CDH18: variants seen among roughly 807,000 people sequenced by gnomAD.
CDH18 encodes the protein cadherin 18.
A neutral mutation model predicts 67.9 loss-of-function variants in CDH18; 31 were observed. The observed-to-expected ratio is 0.46, with a 90% confidence interval of 0.34 to 0.62. CDH18 has a LOEUF of 0.62. Ranked by LOEUF, CDH18 falls within the 20% of genes least tolerant of loss-of-function variation. The probability of loss-of-function intolerance (pLI) is 0.01; values close to 1 mark genes in which losing one functional copy is unlikely to be tolerated. For missense variants in CDH18, 890 were observed against 975.5 expected, an observed-to-expected ratio of 0.91 and a Z score of 1.17; for synonymous variants, 362 against 347.2, an observed-to-expected ratio of 1.04 and a Z score of -0.48.
At chr5:19,788,657 G>T (rs1320969260) in intron 3 of CDH18, among the ~76,000 whole-genome samples, 1 of 152,110 alleles carries the variant, frequency 6.6e-6, no homozygotes, top group African/African-American at 2.4e-5. Context: ...CAAGATTGAT[G>T]TCCAGTACTC....
At chr5:19,947,769 A>T (rs1795421379) in intron 2 of CDH18, among the ~76,000 whole-genome samples, 1 of 152,008 alleles carries the variant, frequency 6.6e-6, no homozygotes, top group Non-Finnish European at 1.5e-5. Flanking sequence ...TCTCAAAAAA[A>T]AAAGAAAAAA....
upstream of CDH18, among the ~76,000 whole-genome samples, chr5:19,992,267 A>G (rs1402366383): frequency 6.6e-6 from 1 of 152,106 alleles, no homozygotes; most frequent in East Asian, 1.9e-4. Context: ...AATAATTGAC[A>G]AAGCAAATGG....
At chr5:19,867,586 G>C (rs1785700092) in intron 2 of CDH18, among the ~76,000 whole-genome samples, 1 of 112,908 alleles carries the variant, frequency 8.9e-6, no homozygotes, top group Non-Finnish European at 1.9e-5. Context: ...ATGACATATT[G>C]CTTGATTGAT....
intron 12 of CDH18, among the ~76,000 whole-genome samples, chr5:19,474,585 G>A (rs1738126021): frequency 6.6e-6 from 1 of 152,144 alleles, no homozygotes; most frequent in South Asian, 2.1e-4. Context: ...CTGAGACTCA[G>A]GAAAGAGTAT....
intron 2 of CDH18, among the ~76,000 whole-genome samples, chr5:20,168,119 C>G (rs1287395631): frequency 6.6e-6 from 1 of 152,046 alleles, no homozygotes; most frequent in East Asian, 1.9e-4. Flanking sequence ...CTGAGGTCCC[C>G]CACTTTTTTA....
chr5:19,818,200 C>T lies in CDH18; in HGVS notation c.228+20559G>A, dbSNP rs191699991. Among the ~76,000 whole-genome samples, 282 of 151,990 alleles carry T rather than the reference C, an allele frequency of 1.9e-3. 5 individuals are homozygous for T. The highest frequency in any genetic ancestry group is 1.2e-3 in the East Asian group (6 of 5,154). On this transcript the variant is annotated intron_variant, in intron 3 of 12. Transcript: ENST00000382275. ...AGTATTTTTCAATTTTACAAAGATG[C>T]AAGGAATTAAAGAGACTTAACAATT...
At chr5:20,201,468 G>T (rs1739439820) in intron 2 of CDH18, among the ~76,000 whole-genome samples, 1 of 151,852 alleles carries the variant, frequency 6.6e-6, no homozygotes, top group African/African-American at 2.4e-5. Flanking sequence ...ATGAGCATGG[G>T]GTATTACTAA....
At chr5:19,625,833 T>C (rs1751456659) in intron 5 of CDH18, among the ~76,000 whole-genome samples, 1 of 151,786 alleles carries the variant, frequency 6.6e-6, no homozygotes, top group African/African-American at 2.4e-5. Flanking sequence ...GCCCCTCCTT[T>C]TCCTGGGTGG....
intron 1 of CDH18, among the ~76,000 whole-genome samples, chr5:20,437,525 AT>A (rs1052878456): frequency 6.6e-6 from 1 of 150,906 alleles, no homozygotes; most frequent in African/African-American, 2.4e-5. Flanking sequence ...TCTTCCTGGT[AT>A]TTTTTTTATG....
At chr5:20,104,877 C>T (rs1257150918) in intron 2 of CDH18, among the ~76,000 whole-genome samples, 5 of 152,304 alleles carry the variant, frequency 3.3e-5, no homozygotes, top group Admixed American at 1.3e-4. Flanking sequence ...CACAAACATA[C>T]ACTTCCTATA....
intron 1 of CDH18, among the ~76,000 whole-genome samples, chr5:20,287,965 G>A (rs1746810634): frequency 6.6e-6 from 1 of 151,706 alleles, no homozygotes; most frequent in African/African-American, 2.4e-5. Flanking sequence ...TTTTGTATTT[G>A]ATGTATAAAG....
At position 20,555,624 on chromosome 5, in the gene CDH18, T is replaced by C. The variant is rs140908399; in HGVS notation, c.-580+19838A>G. Among the ~76,000 whole-genome samples the C allele has an allele frequency of 4.6e-5, 7 of 151,922 alleles. No homozygotes were observed. In the South Asian group the frequency reaches 8.3e-4, roughly 18 times the overall value. Reference sequence around the variant, plus strand: ...CACACACAGACAAGCTTTTCTTAAATTCCTGACACACAGAATCTTAAAGAT... The same window carrying C: ...CACACACAGACAAGCTTTTCTTAAACTCCTGACACACAGAATCTTAAAGAT... On this transcript the variant is annotated intron_variant, in intron 1 of 14. Coordinates refer to the CDH18 transcript ENST00000507958.
At chr5:20,165,692 T>G (rs2126628785) in intron 2 of CDH18, among the ~76,000 whole-genome samples, 1 of 152,266 alleles carries the variant, frequency 6.6e-6, no homozygotes, top group Admixed American at 6.5e-5. Flanking sequence ...TTTCCTAAAC[T>G]ACCTAAAATA....
chr5:20,260,766 A>G (rs1016134436), intron 1 of CDH18, among the ~76,000 whole-genome samples: 1 of 152,184 alleles, frequency 6.6e-6, no homozygotes, highest in African/African-American at 2.4e-5. Flanking sequence ...TGGCAGAAGT[A>G]AGATACTATT....
At chr5:19,881,632 C>T (rs1172601397) in intron 2 of CDH18, among the ~76,000 whole-genome samples, 2 of 151,688 alleles carry the variant, frequency 1.3e-5, no homozygotes, top group Non-Finnish European at 2.9e-5. Context: ...CCTCAGCCTT[C>T]CACGTACCTG....
chr5:19,727,829 A>T (rs1157297685), intron 4 of CDH18, among the ~76,000 whole-genome samples: 1 of 152,232 alleles, frequency 6.6e-6, no homozygotes, highest in East Asian at 1.9e-4. Context: ...ATAAAGATGA[A>T]TATCTGATAT....
chr5:20,215,506 G>C lies in CDH18; in HGVS notation c.-518+39938C>G, dbSNP rs114349025. On this transcript the variant is annotated intron_variant, in intron 2 of 14. Transcript: ENST00000507958. ...ATGCTGACAAGGTTGCAGGGAAAAGGGAATACTTACACAGTGTTAGTGGGA... is the reference window on the plus strand; with the variant it reads ...ATGCTGACAAGGTTGCAGGGAAAAGCGAATACTTACACAGTGTTAGTGGGA... Among the ~76,000 whole-genome samples the C allele has an allele frequency of 9.4e-3, 1,422 of 151,640 alleles. 11 individuals carry two copies. The highest frequency in any genetic ancestry group is 0.016 in the Non-Finnish European group (1,092 of 67,802).
intron 1 of CDH18, among the ~76,000 whole-genome samples, chr5:20,283,452 C>T (rs898982902): frequency 9.9e-5 from 15 of 151,776 alleles, no homozygotes; most frequent in African/African-American, 3.6e-4. Flanking sequence ...TCTGAATAGA[C>T]ACATCTCAAA....
chr5:20,125,760 A>G (rs1748768792), intron 2 of CDH18, among the ~76,000 whole-genome samples: 2 of 152,126 alleles, frequency 1.3e-5, no homozygotes, highest in Admixed American at 6.5e-5. Context: ...CTTCACGCTG[A>G]GCACTGCATT....
Sources: allele counts gnomAD v4.1 joint callset (sites outside exome capture counted in the v4.1 genomes callset), GRCh38; gene constraint gnomAD v4.1.1; transcripts MANE v1.5; gene names NCBI Gene and HGNC (gene_info 2026-07-23, HGNC 2026-07-21).